LRRC1: variants seen among roughly 807,000 people sequenced by gnomAD.
The protein encoded by LRRC1 is leucine-rich repeat-containing protein 1.
In LRRC1, 28 loss-of-function variants were observed where a neutral mutation model predicts 69.9. That is an observed-to-expected ratio of 0.40 (90% CI 0.30 to 0.55). The LOEUF is 0.55. LRRC1 is among the 20% of genes least tolerant of loss of function. The pLI is 0.47. For missense variants in LRRC1, 498 were observed against 609.0 expected, an observed-to-expected ratio of 0.82 and a Z score of 1.92; for synonymous variants, 236 against 240.2, an observed-to-expected ratio of 0.98 and a Z score of 0.16.
chr6:53,872,773 T>G (rs868205724), intron 2 of LRRC1, among the ~76,000 whole-genome samples: 89 of 148,518 alleles, frequency 6.0e-4, no homozygotes, highest in South Asian at 1.7e-3. Context: ...TTTTTTTTTT[T>G]GGAGACAGAG....
intron 1 of LRRC1, among the ~76,000 whole-genome samples, chr6:53,837,726 T>C (rs1224612571): frequency 6.6e-6 from 1 of 152,150 alleles, no homozygotes; most frequent in Non-Finnish European, 1.5e-5. Flanking sequence ...GAGATTTTCT[T>C]TGTCCCTTTC....
At chr6:53,825,899 A>G (rs911124800) in intron 1 of LRRC1, among the ~76,000 whole-genome samples, 33 of 150,862 alleles carry the variant, frequency 2.2e-4, no homozygotes, top group African/African-American at 6.3e-4. Context: ...TTCTTTTTCT[A>G]TTGCTGTGTT....
intron 7 of LRRC1, among the ~76,000 whole-genome samples, chr6:53,898,325 C>T (rs781230903): frequency 6.6e-6 from 1 of 152,082 alleles, no homozygotes; most frequent in African/African-American, 2.4e-5. Flanking sequence ...TTAGATTTCT[C>T]TAGGAAATAT....
intron 1 of LRRC1, among the ~76,000 whole-genome samples, chr6:53,810,076 T>C (rs1764748451): frequency 6.6e-6 from 1 of 152,122 alleles, no homozygotes; most frequent in Non-Finnish European, 1.5e-5. Context: ...AAAGAATAGT[T>C]GGAAAAAGAG....
At position 53,922,719 on chromosome 6, in the gene LRRC1, A is replaced by T; in HGVS notation, c.1501A>T (p.Asn501Tyr). The change falls in exon 14 of 14, where the codon AAT becomes TAT. Residue 501 changes from asparagine (N) to tyrosine (Y), a missense_variant. Physicochemically the swap from Asn to Tyr is moderately radical, Grantham distance 143. Around this residue, in one of 3 missense-constraint regions of LRRC1, gnomAD observed 162 missense variants for 162.9 expected, o/e 0.99. Transcript: ENST00000370888. ...AGTGGAGAATTTACGGAATGACATG[A>T]ATGCTGCTAAAGGACTGGACTCAAA... is the stretch of plus-strand genomic sequence containing the variant. Reference protein sequence around the residue: ...KTVENLRNDMNAAKGLDSNKN... With the variant: ...KTVENLRNDMYAAKGLDSNKN... 1 of 1,614,110 alleles carries T rather than the reference A, an allele frequency of 6.2e-7. No homozygotes were observed. The highest frequency in any genetic ancestry group is 8.5e-7 in the Non-Finnish European group (1 of 1,179,948).
intron 2 of LRRC1, among the ~76,000 whole-genome samples, chr6:53,864,497 C>T (rs371863776): frequency 1.3e-5 from 2 of 152,172 alleles, no homozygotes; most frequent in African/African-American, 2.4e-5. Context: ...CAGTCTTCCT[C>T]GGCCACGAGG....
intron 1 of LRRC1, among the ~76,000 whole-genome samples, chr6:53,821,095 T>A (rs1450907200): frequency 6.6e-6 from 1 of 152,236 alleles, no homozygotes; most frequent in African/African-American, 2.4e-5. Context: ...AGCAAAACAT[T>A]ATTTTTTTCC....
intron 1 of LRRC1, among the ~76,000 whole-genome samples, chr6:53,812,605 G>A (rs532782172): frequency 5.6e-4 from 84 of 150,560 alleles, no homozygotes; most frequent in African/African-American, 2.0e-3. Context: ...CAGGAGAATG[G>A]CGTGAACCCG....
chr6:53,913,250 C>CA (rs1178857232), intron 10 of LRRC1, among the ~76,000 whole-genome samples: 3 of 150,572 alleles, frequency 2.0e-5, no homozygotes, highest in Non-Finnish European at 3.0e-5. Context: ...TTACATTCAT[C>CA]AAAAAAAGTG....
At chr6:53,806,863 C>G (rs1161260130) in intron 1 of LRRC1, among the ~76,000 whole-genome samples, 1 of 152,198 alleles carries the variant, frequency 6.6e-6, no homozygotes, top group Non-Finnish European at 1.5e-5. Flanking sequence ...ACTCCCTCAC[C>G]CCCAACAACC....
At chr6:53,898,366 T>C (rs1240817700) in intron 7 of LRRC1, among the ~76,000 whole-genome samples, 2 of 152,196 alleles carry the variant, frequency 1.3e-5, no homozygotes, top group Non-Finnish European at 2.9e-5. Context: ...GGATGCTAGT[T>C]ACTTTAGAAG....
chr6:53,902,333 G>A (rs569307570), intron 8 of LRRC1, among the ~76,000 whole-genome samples: 8 of 152,182 alleles, frequency 5.3e-5, no homozygotes, highest in Admixed American at 3.9e-4. Flanking sequence ...ACACCTCCAC[G>A]GAGAGAAAGC....
intron 4 of LRRC1, among the ~76,000 whole-genome samples, chr6:53,893,033 T>C (rs1307493001): frequency 6.6e-6 from 1 of 152,222 alleles, no homozygotes; most frequent in African/African-American, 2.4e-5. Flanking sequence ...GTAGGGCCTG[T>C]CCTTCAAGGA....
chr6:53,830,473 G>C (rs1455856064), intron 1 of LRRC1, among the ~76,000 whole-genome samples: 1 of 152,138 alleles, frequency 6.6e-6, no homozygotes, highest in Non-Finnish European at 1.5e-5. Context: ...ATTAATATTA[G>C]AATTTAATAT....
chr6:53,871,098 TG>T (rs1183256868), intron 2 of LRRC1, among the ~76,000 whole-genome samples: 4 of 152,204 alleles, frequency 2.6e-5, no homozygotes, highest in Admixed American at 6.5e-5. Context: ...GTGATAAACA[TG>T]GGAGTGCAGA....
chr6:53,913,890 C>A lies in LRRC1; in HGVS notation c.1027C>A (p.Arg343Ser). The change falls in exon 11 of 14, where the codon CGT becomes AGT. Residue 343 changes from arginine (R) to serine (S), a missense_variant. Physicochemically the swap from Arg to Ser is moderately radical, Grantham distance 110 (BLOSUM62 -1). This residue lies in a region of LRRC1 where 266 missense variants were observed against 383.9 expected (regional missense o/e 0.69). Coordinates refer to ENST00000370888, the MANE Select transcript of LRRC1 (RefSeq NM_018214.5). ...CTGCAGCCTCACTGTGTTCTGTGTA[C>A]GTGACAACAGACTAACTCGGATACC... ...GCCSLTVFCVRDNRLTRIPAE... is the reference protein window; with the variant it reads ...GCCSLTVFCVSDNRLTRIPAE... 1 of 1,612,286 alleles carries A rather than the reference C, an allele frequency of 6.2e-7. No homozygotes were observed. Among genetic ancestry groups the A allele is most frequent in the Middle Eastern group, 1.7e-4 (1 of 6,042 alleles).
intron 11 of LRRC1, among the ~76,000 whole-genome samples, chr6:53,916,716 A>G (rs958876894): frequency 1.3e-5 from 2 of 152,214 alleles, no homozygotes; most frequent in African/African-American, 4.8e-5. Context: ...TAAAAATTCT[A>G]GTAGAAAGTA....
chr6:53,800,983 G>A (rs1281302432), intron 1 of LRRC1, among the ~76,000 whole-genome samples: 3 of 152,178 alleles, frequency 2.0e-5, no homozygotes, highest in African/African-American at 7.2e-5. Context: ...GTGACATCTT[G>A]ATGACCTTAT....
intron 1 of LRRC1, among the ~76,000 whole-genome samples, chr6:53,833,141 G>A (rs908723552): frequency 1.3e-5 from 2 of 152,034 alleles, no homozygotes; most frequent in African/African-American, 4.8e-5. Context: ...CATCAGTCTG[G>A]TCCTCCCATG....
Sources: gnomAD v4.1 joint callset for allele counts (sites outside exome capture counted in the v4.1 genomes callset) on GRCh38, gnomAD v4.1.1 for gene constraint, gnomAD v4.1.1 regional missense constraint, MANE v1.5 for transcripts, NCBI Gene and HGNC (gene_info 2026-07-23, HGNC 2026-07-21) for gene names.